The following KRABD2 variants were observed in gnomAD, a reference collection of about 807,000 sequenced individuals.
KRABD2 encodes KRAB domain-containing protein 2.
chr17:8,375,240 T>C, the KRABD2 span, among the ~76,000 whole-genome samples: 302 of 152,260 alleles, frequency 2.0e-3, 2 homozygotes, highest in African/African-American at 7.0e-3. Flanking sequence ...CTCGATCTCC[T>C]GACCTCGTGA....
the KRABD2 span, among the ~76,000 whole-genome samples, chr17:8,367,430 C>T: frequency 2.0e-5 from 3 of 151,408 alleles, no homozygotes; most frequent in African/African-American, 7.3e-5. Context: ...ACCTGGGAGG[C>T]GGAGGCTGCA....
At chr17:8,363,804 T>C in the KRABD2 span, among the ~76,000 whole-genome samples, 288 of 136,200 alleles carry the variant, frequency 2.1e-3, 2 homozygotes, top group African/African-American at 7.8e-3. Flanking sequence ...ATCATACATA[T>C]ATATATCATA....
the KRABD2 span, among the ~76,000 whole-genome samples, chr17:8,361,942 T>C: frequency 1.3e-5 from 2 of 152,364 alleles, no homozygotes; most frequent in East Asian, 3.9e-4. Flanking sequence ...TTTCTTTCTT[T>C]ATGAGAGGAA....
At chr17:8,370,427 C>A in the KRABD2 span, 1 of 1,301,706 alleles carries the variant, frequency 7.7e-7, no homozygotes, top group Non-Finnish European at 1.1e-6. Context: ...AATTCACTGA[C>A]ACTCCCACCT....
chr17:8,376,140 A>G, the KRABD2 span: 2 of 1,231,494 alleles, frequency 1.6e-6, no homozygotes, highest in East Asian at 3.2e-5. Flanking sequence ...ACCTGCCTGT[A>G]CCCCCTTTGG....
chr17:8,359,249 G>A, the KRABD2 span, among the ~76,000 whole-genome samples: 1 of 152,306 alleles, frequency 6.6e-6, no homozygotes, highest in East Asian at 1.9e-4. Flanking sequence ...TACATGTACT[G>A]GGGAGGTTAA....
At chr17:8,359,693 G>T in the KRABD2 span, 1 of 456,012 alleles carries the variant, frequency 2.2e-6, no homozygotes, top group Non-Finnish European at 4.4e-6. Context: ...AGATGAAGAA[G>T]GGTGGCAGTT....
chr17:8,361,154 A>G, the KRABD2 span, among the ~76,000 whole-genome samples: 1 of 152,224 alleles, frequency 6.6e-6, no homozygotes, highest in South Asian at 2.1e-4. Context: ...GTGGGTAAAT[A>G]GAGAACATTC....
At chr17:8,376,119 CG>C in the KRABD2 span, 2 of 1,231,660 alleles carry the variant, frequency 1.6e-6, no homozygotes, top group African/African-American at 3.1e-5. Flanking sequence ...AAGGTAGGGA[CG>C]GAGGCTTCTA....
the KRABD2 span, chr17:8,369,243 C>G: frequency 1.2e-6 from 2 of 1,614,228 alleles, no homozygotes; most frequent in Non-Finnish European, 8.5e-7. Flanking sequence ...AATCTCAGCC[C>G]TTTCTTCCTG....
At chr17:8,375,317 T>C in the KRABD2 span, among the ~76,000 whole-genome samples, 1 of 152,186 alleles carries the variant, frequency 6.6e-6, no homozygotes, top group South Asian at 2.1e-4. Context: ...AGCCTCGATT[T>C]CTGGCTTTCT....
the KRABD2 span, chr17:8,375,852 G>C: frequency 1.7e-6 from 2 of 1,209,582 alleles, no homozygotes; most frequent in Non-Finnish European, 1.0e-6. Context: ...GAGTTGGTCA[G>C]AGAAAACTGG....
At chr17:8,361,513 G>A in the KRABD2 span, among the ~76,000 whole-genome samples, 2 of 152,178 alleles carry the variant, frequency 1.3e-5, no homozygotes, top group Non-Finnish European at 2.9e-5. Context: ...AGCTGCAAAG[G>A]TAGTTGGGAC....
the KRABD2 span, chr17:8,369,994 C>T: frequency 6.2e-6 from 10 of 1,614,080 alleles, no homozygotes; most frequent in African/African-American, 1.1e-4. Context: ...GTCCGCCCAC[C>T]ATGTCCAATA....
At chr17:8,373,030 G>A in the KRABD2 span, among the ~76,000 whole-genome samples, 1 of 152,222 alleles carries the variant, frequency 6.6e-6, no homozygotes, top group Non-Finnish European at 1.5e-5. Context: ...GTAGAGTCCA[G>A]GGTCTACAAT....
At chr17:8,359,286 C>T in the KRABD2 span, among the ~76,000 whole-genome samples, 8 of 152,190 alleles carry the variant, frequency 5.3e-5, no homozygotes, top group Admixed American at 2.6e-4. Flanking sequence ...AAGGTGGTGT[C>T]TGCCAGGTCT....
chr17:8,369,695 G>A, the KRABD2 span: 1 of 1,614,152 alleles, frequency 6.2e-7, no homozygotes, highest in South Asian at 1.1e-5. Flanking sequence ...ACAAGACACT[G>A]ACCACCTCAT....
the KRABD2 span, among the ~76,000 whole-genome samples, chr17:8,373,994 G>A: frequency 2.6e-5 from 4 of 151,722 alleles, no homozygotes; most frequent in African/African-American, 9.7e-5. Context: ...CCATCCAGGA[G>A]GTGGGGGGCA....
At chr17:8,363,865 ATT>A in the KRABD2 span, among the ~76,000 whole-genome samples, 619 of 69,506 alleles carry the variant, frequency 8.9e-3, 6 homozygotes, top group Non-Finnish European at 0.012. Flanking sequence ...ATATATATTT[ATT>A]TATTTATTTA....
Sources: allele counts gnomAD v4.1 joint callset (sites outside exome capture counted in the v4.1 genomes callset), GRCh38; gene constraint gnomAD v4.1.1; transcripts MANE v1.5; gene names NCBI Gene and HGNC (gene_info 2026-07-23, HGNC 2026-07-21).